The following DIAPH2 variants were observed in gnomAD, a reference collection of about 807,000 sequenced individuals.
The protein encoded by DIAPH2 is protein diaphanous homolog 2.
A neutral mutation model predicts 92.7 loss-of-function variants in DIAPH2; 35 were observed. That is an observed-to-expected ratio of 0.38 (90% CI 0.29 to 0.50). The LOEUF (loss-of-function observed/expected upper bound fraction) is 0.50, where lower values mean the gene tolerates loss of function less well. DIAPH2 is among the 20% of genes least tolerant of loss of function. DIAPH2 has a pLI of 0.94. For synonymous variants in DIAPH2, 301 were observed against 280.4 expected (o/e 1.07, Z -0.73); for missense variants, 701 against 819.5 (o/e 0.86, Z 1.77).
At chrX:97,149,190 T>C (rs2067267368) in intron 22 of DIAPH2, among the ~76,000 whole-genome samples, 1 of 111,927 alleles carries the variant, frequency 8.9e-6, no homozygotes, top group African/African-American at 3.2e-5. Context: ...AACTTTTACT[T>C]ATAGTGACTT....
chrX:97,395,390 G>A (rs1406320250), intron 25 of DIAPH2, among the ~76,000 whole-genome samples: 2 of 111,761 alleles, frequency 1.8e-5, no homozygotes, highest in Non-Finnish European at 3.8e-5. Context: ...GCAGCATGTG[G>A]CACATAGATA....
chrX:97,047,240 C>G (rs975939303), intron 17 of DIAPH2, among the ~76,000 whole-genome samples: 1 of 110,874 alleles, frequency 9.0e-6, no homozygotes, highest in Non-Finnish European at 1.9e-5. Context: ...AAACCAATTA[C>G]TTTATAGAAC....
chrX:96,884,776 G>A (rs139569203), intron 5 of DIAPH2: 7 of 1,208,187 alleles, frequency 5.8e-6, no homozygotes, highest in South Asian at 5.3e-5. Flanking sequence ...CGAGTTCACC[G>A]TGCATATTCT....
At chrX:97,020,197 A>G (rs1446053053) in intron 17 of DIAPH2, among the ~76,000 whole-genome samples, 7 of 112,410 alleles carry the variant, frequency 6.2e-5, no homozygotes, top group African/African-American at 2.3e-4. Flanking sequence ...AACATTTTCT[A>G]GTGAGAATAA....
chrX:97,302,941 G>A (rs1467269592), intron 23 of DIAPH2, among the ~76,000 whole-genome samples: 2 of 112,174 alleles, frequency 1.8e-5, no homozygotes, highest in East Asian at 5.6e-4. Flanking sequence ...CCGAGATCGC[G>A]CCACTGCACT....
At chrX:97,108,730 TTAA>T (rs759760469) in intron 20 of DIAPH2, among the ~76,000 whole-genome samples, 1 of 112,415 alleles carries the variant, frequency 8.9e-6, no homozygotes, top group South Asian at 3.7e-4. Context: ...TAATACAATT[TTAA>T]TAATGACATT....
At chrX:96,688,933 A>G (rs1214697846) in intron 1 of DIAPH2, among the ~76,000 whole-genome samples, 1 of 109,715 alleles carries the variant, frequency 9.1e-6, no homozygotes, top group East Asian at 2.9e-4. Flanking sequence ...CCTTGGCGAC[A>G]GAGAACCCAT....
chrX:97,490,257 A>G (rs1230375299), intron 26 of DIAPH2, among the ~76,000 whole-genome samples: 2 of 107,428 alleles, frequency 1.9e-5, no homozygotes, highest in African/African-American at 6.7e-5. Flanking sequence ...CATCAGTTCT[A>G]ATGTCTCATC....
At chrX:97,187,538 A>T (rs183619856) in intron 22 of DIAPH2, among the ~76,000 whole-genome samples, 1 of 109,348 alleles carries the variant, frequency 9.1e-6, no homozygotes, top group Non-Finnish European at 1.9e-5. Flanking sequence ...GGCCTCCCAA[A>T]GTGCTGGGAT....
chrX:97,024,374 G>A (rs758096160), intron 17 of DIAPH2, among the ~76,000 whole-genome samples: 8 of 111,420 alleles, frequency 7.2e-5, no homozygotes, highest in African/African-American at 9.8e-5. Context: ...AACATCCAGC[G>A]TATTCATATC....
chrX:96,763,069 A>G, intron 4 of DIAPH2: 1 of 956,537 alleles, frequency 1.0e-6, no homozygotes, highest in Non-Finnish European at 1.3e-6. Flanking sequence ...TTTTTACACC[A>G]TAACCACTCT....
At chrX:96,979,564 A>G (rs1834756183) in intron 17 of DIAPH2, among the ~76,000 whole-genome samples, 1 of 112,295 alleles carries the variant, frequency 8.9e-6, no homozygotes, top group Admixed American at 9.4e-5. Context: ...TTCCATCAGA[A>G]TGCAGCCTTC....
rs1276477107 is a variant in DIAPH2 at position 97,185,423 on chromosome X, G to GTA, written c.2719+43639_2719+43640dup. 1.2e-3 allele frequency among the ~76,000 whole-genome samples: 29 copies of GTA among 24,380 alleles called. 1 individual carries two copies. The highest frequency in any genetic ancestry group is 4.8e-3 in the African/African-American group (27 of 5,622). The allele number at this position is 24,380 out of a possible 115,157, so 21.2% of individuals were successfully genotyped here. Reference sequence around the variant, plus strand: ...TATATATATATATGTATATATATATGTATATATATATGTGTATATATATAT... The same window carrying GTA: ...TATATATATATATGTATATATATATGTATATATATATATGTGTATATATATAT... On this transcript the variant is annotated intron_variant, in intron 22 of 26. Coordinates refer to ENST00000324765, the MANE Select transcript of DIAPH2 (RefSeq NM_006729.5).
chrX:97,447,782 G>T (rs2070325227), intron 26 of DIAPH2, among the ~76,000 whole-genome samples: 1 of 111,899 alleles, frequency 8.9e-6, no homozygotes, highest in South Asian at 3.8e-4. Flanking sequence ...CAAATGAAAA[G>T]GTTTTTTAAT....
chrX:96,806,036 TATA>T (rs908063775), intron 4 of DIAPH2, among the ~76,000 whole-genome samples: 3 of 112,151 alleles, frequency 2.7e-5, no homozygotes, highest in African/African-American at 9.7e-5. Flanking sequence ...TCACCATCAC[TATA>T]ATTGGGAAAA....
chrX:97,155,870 T>C (rs187453820), intron 22 of DIAPH2, among the ~76,000 whole-genome samples: 22 of 112,388 alleles, frequency 2.0e-4, no homozygotes, highest in African/African-American at 6.5e-4. Context: ...ATTTTTATTA[T>C]ATTTGCATGC....
intron 4 of DIAPH2, among the ~76,000 whole-genome samples, chrX:96,827,582 A>C (rs7062283): frequency 1.1e-3 from 127 of 111,989 alleles, no homozygotes; most frequent in African/African-American, 3.9e-3. Flanking sequence ...AATAAGTTAT[A>C]ATGCCTTTCA....
chrX:96,720,005 C>T (rs967571745), intron 1 of DIAPH2, among the ~76,000 whole-genome samples: 1 of 111,879 alleles, frequency 8.9e-6, no homozygotes, highest in Non-Finnish European at 1.9e-5. Context: ...CCAACCCCTT[C>T]CAACTTTCTT....
chrX:97,156,510 C>G (rs2067324209), intron 22 of DIAPH2, among the ~76,000 whole-genome samples: 1 of 112,067 alleles, frequency 8.9e-6, no homozygotes, highest in Admixed American at 9.5e-5. Flanking sequence ...AATTTTAACT[C>G]TTTCATTGTA....
Sources: gnomAD v4.1 joint callset for allele counts (sites outside exome capture counted in the v4.1 genomes callset) on GRCh38, gnomAD v4.1.1 for gene constraint, MANE v1.5 for transcripts, NCBI Gene and HGNC (gene_info 2026-07-23, HGNC 2026-07-21) for gene names.